ANKIB1: variants seen among roughly 807,000 people sequenced by gnomAD.
The protein encoded by ANKIB1 is ankyrin repeat and IBR domain-containing protein 1.
A neutral mutation model predicts 122.1 loss-of-function variants in ANKIB1; 43 were observed. That is an observed-to-expected ratio of 0.35 (90% CI 0.28 to 0.45). The LOEUF (loss-of-function observed/expected upper bound fraction) is 0.45. Among genes scored for constraint, ANKIB1 ranks in the 20% least tolerant of loss-of-function variants. The pLI is 1.00. For missense variants in ANKIB1, 992 were observed against 1,329.5 expected, an observed-to-expected ratio of 0.75 and a Z score of 3.95; for synonymous variants, 390 against 442.0, an observed-to-expected ratio of 0.88 and a Z score of 1.48.
chr7:92,397,938 C>A, intron 19 of ANKIB1, 79 bp downstream of exon 19: 1 of 1,501,654 alleles, frequency 6.7e-7, no homozygotes, highest in South Asian at 1.3e-5. Context: ...TTACTTTCAT[C>A]GCTTTCCTAT....
chr7:92,382,894 C>T (rs1804551028), intron 11 of ANKIB1, among the ~76,000 whole-genome samples: 1 of 151,974 alleles, frequency 6.6e-6, no homozygotes, highest in Non-Finnish European at 1.5e-5. Context: ...AAGGTCAGAG[C>T]AGAACTGAAG....
intron 4 of ANKIB1, among the ~76,000 whole-genome samples, chr7:92,322,112 G>A (rs1041939170): frequency 3.3e-5 from 5 of 152,010 alleles, no homozygotes; most frequent in South Asian, 4.1e-4. Context: ...ATTATCTTGC[G>A]TCAAACAGAA....
chr7:92,301,418 A>G (rs547477163), intron 2 of ANKIB1, among the ~76,000 whole-genome samples: 1 of 150,622 alleles, frequency 6.6e-6, no homozygotes, highest in Non-Finnish European at 1.5e-5. Flanking sequence ...TGTGATTTTG[A>G]TTTGCATTTC....
chr7:92,323,696 C>T (rs191174876), intron 4 of ANKIB1, among the ~76,000 whole-genome samples: 67 of 152,186 alleles, frequency 4.4e-4, no homozygotes, highest in East Asian at 2.5e-3. Context: ...ACAACTCAAA[C>T]GTTTATCAAC....
In ANKIB1 at chr7:92,246,391, A is replaced by AT. The variant is rs1563339482; in HGVS notation, c.-219_-218insT. 1 of 479,128 alleles carries AT rather than the reference A, an allele frequency of 2.1e-6. No homozygotes were observed. The highest frequency in any genetic ancestry group is 1.5e-5 in the South Asian group (1 of 66,762). 29.7% of individuals were successfully genotyped at this position (479,128 alleles called of 1,614,324 possible). On this transcript the variant is annotated 5_prime_UTR_variant, in exon 1 of 20. Coordinates refer to ENST00000265742, the MANE Select transcript of ANKIB1 (RefSeq NM_019004.2). ...CACCCGGGCCGGCGAGGAAGGGGCA[A>AT]CCGTCCGGGTGGGTGGGGCGGGCTG...
intron 8 of ANKIB1, 29 bp downstream of exon 8, chr7:92,351,123 A>G (rs2131984160): frequency 1.4e-6 from 2 of 1,428,924 alleles, no homozygotes; most frequent in Middle Eastern, 1.8e-4. Context: ...TATCTGTCCA[A>G]TTTCCATAAT....
chr7:92,397,722 G>C lies in ANKIB1; in HGVS notation c.2396-1G>C, dbSNP rs778572950. On this transcript the variant is annotated splice_acceptor_variant, in intron 18 of 19. Coordinates refer to ENST00000265742, the MANE Select transcript of ANKIB1 (RefSeq NM_019004.2). LOFTEE classifies it high-confidence loss of function. ...CTTTGGTACCAATTGCTTTGAAACA[G>C]ATATTCCAGAAGGCGGCAGCAGCAG... 1 of 1,610,464 alleles carries C rather than the reference G, an allele frequency of 6.2e-7. No homozygotes were observed. Among genetic ancestry groups the C allele is most frequent in the East Asian group, 2.2e-5 (1 of 44,638 alleles).
intron 3 of ANKIB1, among the ~76,000 whole-genome samples, chr7:92,311,727 C>T (rs528840456): frequency 7.3e-5 from 9 of 122,918 alleles, no homozygotes; most frequent in African/African-American, 2.5e-4. Context: ...GCCCCCCCCA[C>T]ACACACACAC....
At chr7:92,324,238 T>A (rs1027219231) in intron 4 of ANKIB1, among the ~76,000 whole-genome samples, 1 of 152,246 alleles carries the variant, frequency 6.6e-6, no homozygotes, top group Non-Finnish European at 1.5e-5. Flanking sequence ...TGAATTTTTT[T>A]AAAATTATTT....
intron 5 of ANKIB1, among the ~76,000 whole-genome samples, chr7:92,329,423 G>A (rs571615945): frequency 2.6e-5 from 4 of 152,306 alleles, no homozygotes; most frequent in Admixed American, 2.0e-4. Flanking sequence ...ATTAGGTCTA[G>A]TGTAAGGCCC....
intron 1 of ANKIB1, among the ~76,000 whole-genome samples, chr7:92,277,524 A>G (rs557144286): frequency 2.6e-4 from 39 of 152,296 alleles, no homozygotes; most frequent in Non-Finnish European, 4.7e-4. Context: ...TTTCCAGTCC[A>G]ATTAATTCAG....
intron 1 of ANKIB1, among the ~76,000 whole-genome samples, chr7:92,283,474 A>G (rs1229383335): frequency 6.6e-6 from 1 of 152,142 alleles, no homozygotes. Context: ...ATTTTTAGCA[A>G]CATTTCAGAC....
chr7:92,347,872 T>C (rs750271492), intron 7 of ANKIB1: 1 of 281,200 alleles, frequency 3.6e-6, no homozygotes, highest in African/African-American at 2.3e-5. Flanking sequence ...TTTCTTAACG[T>C]ATGTAAAGTG....
intron 1 of ANKIB1, among the ~76,000 whole-genome samples, chr7:92,280,791 C>T (rs1433281377): frequency 6.6e-6 from 1 of 152,166 alleles, no homozygotes; most frequent in Non-Finnish European, 1.5e-5. Flanking sequence ...AGCAGCTTAC[C>T]TACTGTTTCA....
chr7:92,383,160 G>C (rs1008991631), intron 11 of ANKIB1, among the ~76,000 whole-genome samples: 7 of 152,112 alleles, frequency 4.6e-5, no homozygotes, highest in African/African-American at 1.2e-4. Flanking sequence ...ATAAATTCCT[G>C]GACACATACA....
chr7:92,382,438 T>G (rs1804538464), intron 11 of ANKIB1, among the ~76,000 whole-genome samples: 1 of 152,174 alleles, frequency 6.6e-6, no homozygotes, highest in Non-Finnish European at 1.5e-5. Flanking sequence ...GAATATACAT[T>G]CTTCTCAGCA....
chr7:92,368,470 A>G (rs1804150404), intron 10 of ANKIB1, among the ~76,000 whole-genome samples: 1 of 152,032 alleles, frequency 6.6e-6, no homozygotes, highest in Non-Finnish European at 1.5e-5. Context: ...TAATCCCAGT[A>G]CTTGGAGAGG....
intron 1 of ANKIB1, among the ~76,000 whole-genome samples, chr7:92,281,988 G>C (rs1802019823): frequency 6.6e-6 from 1 of 152,014 alleles, no homozygotes; most frequent in African/African-American, 2.4e-5. Context: ...ATTTAACACT[G>C]CTTAAAAGCA....
Position 92,260,965 on chromosome 7 carries a change from A to G in ANKIB1, c.-91+14446A>G, listed in dbSNP as rs1049462252. Reference sequence around the variant, plus strand: ...TGAAAAAATCCTGTAACTCTAGCGTAGACTACCAGTTATTGACTTCCAACA... The same window carrying G: ...TGAAAAAATCCTGTAACTCTAGCGTGGACTACCAGTTATTGACTTCCAACA... On this transcript the variant is annotated intron_variant, in intron 1 of 19. Coordinates refer to ENST00000265742, the MANE Select transcript of ANKIB1 (RefSeq NM_019004.2). Among the ~76,000 whole-genome samples, 4 of 152,316 alleles carry G rather than the reference A, an allele frequency of 2.6e-5. No individual in the cohort carries two copies. The East Asian group carries it at 5.8e-4, about 22-fold the overall frequency.
Sources: gnomAD v4.1 joint callset for allele counts (sites outside exome capture counted in the v4.1 genomes callset) on GRCh38, gnomAD v4.1.1 for gene constraint, MANE v1.5 for transcripts, NCBI Gene and HGNC (gene_info 2026-07-23, HGNC 2026-07-21) for gene names.